FGF12: variants seen among roughly 807,000 people sequenced by gnomAD.
FGF12 encodes fibroblast growth factor 12B.
In FGF12, 14 loss-of-function variants were observed where a neutral mutation model predicts 23.6. The observed-to-expected ratio is 0.59, with a 90% CI of 0.39 to 0.93. The LOEUF (loss-of-function observed/expected upper bound fraction) is 0.93, where lower values mean the gene tolerates loss of function less well. FGF12 is among the 40% of genes least tolerant of loss of function. The pLI is 0.00. For missense variants in FGF12, 175 were observed against 217.8 expected (o/e 0.80, Z 1.24); for synonymous variants, 62 against 77.3 (o/e 0.80, Z 1.04).
chr3:192,617,380 G>A (rs763715170), intron 2 of FGF12, among the ~76,000 whole-genome samples: 4 of 152,002 alleles, frequency 2.6e-5, no homozygotes, highest in Non-Finnish European at 5.9e-5. Context: ...GGAGAGAGTG[G>A]GGTTCAGGAC....
intron 4 of FGF12, among the ~76,000 whole-genome samples, chr3:192,242,904 C>A (rs1719695608): frequency 6.6e-6 from 1 of 151,376 alleles, no homozygotes; most frequent in African/African-American, 2.4e-5. Flanking sequence ...TTTTACTGAG[C>A]AACTATGAAA....
At chr3:192,584,777 G>A (rs1179340104) in intron 2 of FGF12, among the ~76,000 whole-genome samples, 1 of 151,844 alleles carries the variant, frequency 6.6e-6, no homozygotes, top group African/African-American at 2.4e-5. Context: ...CTCTCTGCTT[G>A]GCTAAGACAT....
At chr3:192,453,233 A>C (rs1233085938) in intron 2 of FGF12, among the ~76,000 whole-genome samples, 2 of 152,098 alleles carry the variant, frequency 1.3e-5, no homozygotes, top group African/African-American at 4.8e-5. Flanking sequence ...TTGGGTTTTT[A>C]ATTTCAATTA....
intron 4 of FGF12, among the ~76,000 whole-genome samples, chr3:192,247,434 T>TA (rs1470324872): frequency 6.6e-6 from 1 of 152,146 alleles, no homozygotes; most frequent in Non-Finnish European, 1.5e-5. Flanking sequence ...TGCAATCAGA[T>TA]ATGGCTCAAT....
At position 192,350,335 on chromosome 3, in the gene FGF12, A is replaced by T. The variant is rs144563978; in HGVS notation, c.124+10093T>A. ...GCATAATTAGTGAAAGAAATAACAT[A>T]AGCAAGTATAGGATAGAATAAAAAA... On this transcript the variant is annotated intron_variant, in intron 3 of 5. Transcript: ENST00000445105. Among the ~76,000 whole-genome samples, 11 of 152,278 alleles carry T rather than the reference A, an allele frequency of 7.2e-5. No homozygotes were observed. The East Asian group carries it at 1.5e-3, about 21-fold the overall frequency.
intron 2 of FGF12, among the ~76,000 whole-genome samples, chr3:192,711,765 C>T (rs1718690747): frequency 6.6e-6 from 1 of 151,848 alleles, no homozygotes; most frequent in African/African-American, 2.4e-5. Flanking sequence ...CCTTAAGAGT[C>T]ATCACCACTC....
chr3:192,636,034 G>A (rs901940581), intron 2 of FGF12, among the ~76,000 whole-genome samples: 1 of 152,198 alleles, frequency 6.6e-6, no homozygotes, highest in African/African-American at 2.4e-5. Flanking sequence ...CTGCACTGAG[G>A]AAGATTCTGA....
intron 2 of FGF12, among the ~76,000 whole-genome samples, chr3:192,478,253 A>T (rs150491248): frequency 9.3e-4 from 142 of 152,246 alleles, no homozygotes; most frequent in African/African-American, 3.3e-3. Context: ...CAGGTACAAC[A>T]GTTATCTCCA....
intron 2 of FGF12, chr3:192,726,741 TGGG>T (rs1019909084): frequency 1.0e-5 from 2 of 198,892 alleles, no homozygotes; most frequent in African/African-American, 4.6e-5. Context: ...CTTCATGAGG[TGGG>T]GGTGGTGAAA....
At chr3:192,649,990 A>C (rs1716156529) in intron 2 of FGF12, among the ~76,000 whole-genome samples, 1 of 152,174 alleles carries the variant, frequency 6.6e-6, no homozygotes, top group Non-Finnish European at 1.5e-5. Context: ...GTTTTGAAGG[A>C]AATGTATTTT....
chr3:192,402,575 A>G (rs1052215332), intron 2 of FGF12, among the ~76,000 whole-genome samples: 2 of 152,248 alleles, frequency 1.3e-5, no homozygotes, highest in African/African-American at 4.8e-5. Context: ...GATTATCTGC[A>G]GTGTGGAACT....
At chr3:192,304,658 C>T (rs1045712840) in intron 4 of FGF12, among the ~76,000 whole-genome samples, 10 of 152,188 alleles carry the variant, frequency 6.6e-5, no homozygotes, top group East Asian at 1.9e-4. Context: ...TGTTATAACA[C>T]GTGAATCTGT....
intron 4 of FGF12, among the ~76,000 whole-genome samples, chr3:192,211,417 A>G (rs1235654691): frequency 6.6e-6 from 1 of 151,996 alleles, no homozygotes; most frequent in Non-Finnish European, 1.5e-5. Flanking sequence ...ATACCACAAT[A>G]TTGTGATTTA....
At chr3:192,326,746 G>A (rs547794421) in intron 4 of FGF12, among the ~76,000 whole-genome samples, 1 of 152,236 alleles carries the variant, frequency 6.6e-6, no homozygotes, top group Non-Finnish European at 1.5e-5. Context: ...CTGTAGTATG[G>A]CACATCCTTA....
At chr3:192,442,944 A>C (rs1722244914) in intron 2 of FGF12, among the ~76,000 whole-genome samples, 1 of 151,698 alleles carries the variant, frequency 6.6e-6, no homozygotes, top group African/African-American at 2.4e-5. Flanking sequence ...AGTAGCTGGG[A>C]TTACAGGTGC....
At position 192,408,390 on chromosome 3, in the gene FGF12, G is replaced by A; in HGVS notation, c.14-47852C>T. The A allele has an allele frequency of 7.0e-7, 1 of 1,418,722 alleles. No individual in the cohort carries two copies. Among genetic ancestry groups the A allele is most frequent in the Non-Finnish European group, 9.2e-7 (1 of 1,090,916 alleles). 87.9% of individuals were successfully genotyped at this position (1,418,722 alleles called of 1,614,324 possible). On this transcript the variant is annotated intron_variant, in intron 2 of 5. Transcript: ENST00000445105. This position sits in a 1 kb window ranked among gnomAD's most constrained non-coding sequence, Gnocchi z 7.3. ...CGAAAACCCGGCGCTCACAAGGTTA[G>A]TCAAAGTCTGGGCAGTGGCGACAAA...
chr3:192,684,023 C>G lies in FGF12; in HGVS notation c.13+43158G>C, dbSNP rs550900175. On this transcript the variant is annotated intron_variant, in intron 2 of 5. Transcript: ENST00000445105. ...ATGATGCTGTAAGAGACCAGCATCT[C>G]CCTTCCATGATACCCAGTCCCTGTA... is the stretch of plus-strand genomic sequence containing the variant. 3.9e-5 allele frequency among the ~76,000 whole-genome samples: 6 copies of G among 152,144 alleles called. No individual in the cohort carries two copies. The East Asian group carries it at 9.7e-4, about 25-fold the overall frequency.
At chr3:192,712,406 C>T (rs1718719008) in intron 2 of FGF12, among the ~76,000 whole-genome samples, 1 of 151,136 alleles carries the variant, frequency 6.6e-6, no homozygotes, top group African/African-American at 2.4e-5. Context: ...ACAGTAAATA[C>T]ACAGCATAAT....
intron 2 of FGF12, among the ~76,000 whole-genome samples, chr3:192,452,652 C>T (rs1722562282): frequency 6.6e-6 from 1 of 152,180 alleles, no homozygotes; most frequent in Non-Finnish European, 1.5e-5. Flanking sequence ...AAACTAAATC[C>T]TATGTGAATC....
Sources: gnomAD v4.1 joint callset for allele counts (sites outside exome capture counted in the v4.1 genomes callset) on GRCh38, gnomAD v4.1.1 for gene constraint, Gnocchi (gnomAD v3.1) non-coding constraint, MANE v1.5 for transcripts, NCBI Gene and HGNC (gene_info 2026-07-23, HGNC 2026-07-21) for gene names.